The following CCDC144A variants were observed in gnomAD, a reference collection of about 807,000 sequenced individuals.
CCDC144A encodes the protein coiled-coil domain-containing protein 144A.
Under a neutral mutation model 143.8 loss-of-function variants are expected in CCDC144A, and 41 were observed. That is an observed-to-expected ratio of 0.29 (90% CI 0.22 to 0.37). CCDC144A has a LOEUF of 0.37. Among genes scored for constraint, CCDC144A ranks in the 10% least tolerant of loss-of-function variants. The pLI is 1.00. For synonymous variants in CCDC144A, 242 were observed against 517.9 expected (o/e 0.47, Z 7.23); for missense variants, 637 against 1,488.8 (o/e 0.43, Z 9.41).
At chr17:16,701,731 C>T (rs1374914126) in intron 2 of CCDC144A, among the ~76,000 whole-genome samples, 2 of 151,716 alleles carry the variant, frequency 1.3e-5, no homozygotes, top group Non-Finnish European at 2.9e-5. Context: ...GATCTGATGG[C>T]ATATGATTTG....
At chr17:16,683,346 A>G in the CCDC144A span, 2 of 600,966 alleles carry the variant, frequency 3.3e-6, no homozygotes, top group South Asian at 4.3e-5. Flanking sequence ...AGAATTAAGT[A>G]CTGGAAAACT....
chr17:16,686,062 A>G (rs558647177), upstream of CCDC144A, among the ~76,000 whole-genome samples: 229 of 146,398 alleles, frequency 1.6e-3, no homozygotes, highest in African/African-American at 5.6e-3. Context: ...GATTATGGGC[A>G]TGAGCCACCG....
chr17:16,727,713 A>G lies in CCDC144A; in HGVS notation c.2078A>G (p.Glu693Gly), dbSNP rs754974502. ...TKLQLELQKI[E>G]WEKELYDLRL... ...TTACAGTTAGAACTTCAAAAAATTG[A>G]ATGGGAGAAAGAGCTGTACGATTTG... is the stretch of plus-strand genomic sequence containing the variant. Residue 693 changes from glutamate to glycine, a missense_variant, in exon 9 of 17, where the codon GAA becomes GGA. Glu to Gly is a moderately conservative substitution (Grantham distance 98). Transcript: ENST00000399273. The G allele has an allele frequency of 4.4e-6, 7 of 1,591,476 alleles. No individual in the cohort carries two copies. The highest frequency in any genetic ancestry group is 6.0e-6 in the Non-Finnish European group (7 of 1,170,642).
intron 12 of CCDC144A, among the ~76,000 whole-genome samples, chr17:16,750,648 C>CCT (rs759793636): frequency 2.0e-5 from 3 of 150,804 alleles, no homozygotes; most frequent in African/African-American, 7.4e-5. Flanking sequence ...CATGTTGCTT[C>CCT]CTCTCTCTCC....
the CCDC144A span, among the ~76,000 whole-genome samples, chr17:16,681,579 C>T: frequency 3.9e-3 from 599 of 152,090 alleles, 8 homozygotes; most frequent in Middle Eastern, 0.01. Flanking sequence ...GAGCGTTGGC[C>T]GGGCATGGTG....
intron 15 of CCDC144A, among the ~76,000 whole-genome samples, chr17:16,766,750 G>GA (rs1256683969): frequency 2.6e-5 from 4 of 151,340 alleles, no homozygotes; most frequent in African/African-American, 9.7e-5. Context: ...ATGGGTGGGG[G>GA]AAAAAAAATA....
At chr17:16,755,807 C>A (rs4003848) in intron 12 of CCDC144A, among the ~76,000 whole-genome samples, 7 of 152,232 alleles carry the variant, frequency 4.6e-5, no homozygotes, top group South Asian at 4.1e-4. Context: ...GCAATCCCCC[C>A]ACCTTGGCCT....
intron 6 of CCDC144A, among the ~76,000 whole-genome samples, chr17:16,713,942 T>C (rs1166778047): frequency 3.3e-5 from 5 of 152,312 alleles, no homozygotes; most frequent in Non-Finnish European, 5.9e-5. Context: ...TTTTCACTCC[T>C]ACCACTCTTC....
intron 12 of CCDC144A, among the ~76,000 whole-genome samples, chr17:16,755,332 T>G (rs1173273671): frequency 6.6e-6 from 1 of 152,280 alleles, no homozygotes; most frequent in Non-Finnish European, 1.5e-5. Context: ...ATTGTTTACC[T>G]CTACAATTTG....
At chr17:16,755,129 G>A (rs1450841982) in intron 12 of CCDC144A, among the ~76,000 whole-genome samples, 1 of 152,164 alleles carries the variant, frequency 6.6e-6, no homozygotes, top group Non-Finnish European at 1.5e-5. Flanking sequence ...GTCTTTACAG[G>A]TAAAGTGAGT....
At chr17:16,747,648 T>C (rs1423440573) in intron 12 of CCDC144A, among the ~76,000 whole-genome samples, 3 of 152,256 alleles carry the variant, frequency 2.0e-5, no homozygotes, top group Admixed American at 2.0e-4. Context: ...TTCATCTCTG[T>C]AGTTAGATGC....
At chr17:16,680,256 C>T in the CCDC144A span, among the ~76,000 whole-genome samples, 2 of 151,846 alleles carry the variant, frequency 1.3e-5, no homozygotes, top group Non-Finnish European at 2.9e-5. Context: ...TGGTGAACCC[C>T]ATCTCTCCAA....
chr17:16,770,877 G>A (rs995272546), intron 15 of CCDC144A, among the ~76,000 whole-genome samples: 50 of 151,886 alleles, frequency 3.3e-4, no homozygotes, highest in African/African-American at 1.2e-3. Context: ...ACTTTTATAA[G>A]GCCTGGATGG....
intron 15 of CCDC144A, among the ~76,000 whole-genome samples, chr17:16,771,492 A>G (rs1915822939): frequency 6.6e-6 from 1 of 152,256 alleles, no homozygotes; most frequent in Non-Finnish European, 1.5e-5. Context: ...TCAAGTATGT[A>G]TTAAAGATTC....
chr17:16,718,887 A>G (rs1489167002), intron 6 of CCDC144A, among the ~76,000 whole-genome samples: 1 of 123,290 alleles, frequency 8.1e-6, no homozygotes, highest in East Asian at 2.2e-4. Flanking sequence ...GCTAGAGTGC[A>G]GTGGCACAAT....
At chr17:16,766,729 G>T (rs964831106) in intron 15 of CCDC144A, among the ~76,000 whole-genome samples, 12 of 152,160 alleles carry the variant, frequency 7.9e-5, no homozygotes, top group Admixed American at 3.9e-4. Context: ...GACAGAGCAA[G>T]ACTCCATCTC....
chr17:16,762,161 T>C (rs1364052387), intron 13 of CCDC144A, among the ~76,000 whole-genome samples, 152 bp from the exon 14 acceptor site: 1 of 152,266 alleles, frequency 6.6e-6, no homozygotes, highest in African/African-American at 2.4e-5. Context: ...CTTGAGCTTC[T>C]TTCTTTCTTC....
intron 3 of CCDC144A, chr17:16,706,935 T>TGG (rs1912098697): frequency 6.6e-6 from 1 of 152,208 alleles, no homozygotes; most frequent in Non-Finnish European, 1.5e-5. Flanking sequence ...CCTAGCAGTC[T>TGG]GTTTTTTATT....
At chr17:16,677,551 T>G in the CCDC144A span, among the ~76,000 whole-genome samples, 1 of 151,942 alleles carries the variant, frequency 6.6e-6, no homozygotes, top group African/African-American at 2.4e-5. Context: ...AGAGACCCCA[T>G]GAATGGGATT....
Sources: allele counts gnomAD v4.1 joint callset (sites outside exome capture counted in the v4.1 genomes callset), GRCh38; gene constraint gnomAD v4.1.1; transcripts MANE v1.5; gene names NCBI Gene and HGNC (gene_info 2026-07-23, HGNC 2026-07-21).